Variants in EPHA6 observed in about 807,000 individuals in gnomAD.
EPHA6 encodes EPH receptor A6, also known as ephrin type-A receptor 6.
A neutral mutation model predicts 112.0 loss-of-function variants in EPHA6; 50 were observed. The ratio of observed to expected loss-of-function variants is 0.45; its 90% CI spans 0.36 to 0.56. The LOEUF is 0.56. Ranked by LOEUF, EPHA6 falls within the 20% of genes least tolerant of loss-of-function variation. EPHA6 has a pLI of 0.00. For synonymous variants in EPHA6, 529 were observed against 490.7 expected, an observed-to-expected ratio of 1.08 and a Z score of -1.03; for missense variants, 1,280 against 1,417.4, an observed-to-expected ratio of 0.90 and a Z score of 1.56.
Position 97,407,474 on chromosome 3 carries a change from A to T in EPHA6, c.1731+2200A>T, listed in dbSNP as rs557920122. Among the ~76,000 whole-genome samples the T allele has an allele frequency of 1.7e-3, 257 of 151,326 alleles. 1 individual carries two copies. Among genetic ancestry groups the T allele is most frequent in the Non-Finnish European group, 2.9e-3 (194 of 67,684 alleles). ...ATTATTCTCTTTCTCTGTGTGTGTGATGTGTCTGAGTGTGTTTGTGTGTGT... is the reference window on the plus strand; with the variant it reads ...ATTATTCTCTTTCTCTGTGTGTGTGTTGTGTCTGAGTGTGTTTGTGTGTGT... On this transcript the variant is annotated intron_variant, in intron 6 of 17. Transcript: ENST00000389672.
At chr3:96,999,246 G>T (rs1379110552) in intron 3 of EPHA6, among the ~76,000 whole-genome samples, 1 of 151,838 alleles carries the variant, frequency 6.6e-6, no homozygotes, top group Non-Finnish European at 1.5e-5. Flanking sequence ...TGAAAAGTTT[G>T]TGATTATACC....
intron 14 of EPHA6, among the ~76,000 whole-genome samples, chr3:97,682,741 A>AT (rs1560262484): frequency 1.3e-5 from 2 of 152,244 alleles, no homozygotes; most frequent in African/African-American, 4.8e-5. Flanking sequence ...TCACATGGCT[A>AT]TTTTTCCAGT....
chr3:97,297,627 T>A (rs1270915121), intron 5 of EPHA6, among the ~76,000 whole-genome samples: 4 of 152,174 alleles, frequency 2.6e-5, no homozygotes, highest in African/African-American at 9.7e-5. Flanking sequence ...AGTAGTAAAG[T>A]CCATATCTCA....
chr3:97,239,078 G>A (rs1054292549), intron 4 of EPHA6, among the ~76,000 whole-genome samples: 50 of 151,952 alleles, frequency 3.3e-4, no homozygotes, highest in African/African-American at 1.2e-3. Flanking sequence ...ACTAAAAGTA[G>A]GTGCAAGCAT....
chr3:96,983,042 G>T (rs1181771249), intron 2 of EPHA6, among the ~76,000 whole-genome samples: 1 of 152,096 alleles, frequency 6.6e-6, no homozygotes, highest in African/African-American at 2.4e-5. Context: ...GGAGCATTTA[G>T]CCCATTTACA....
chr3:97,372,393 A>G (rs1157704240), intron 5 of EPHA6, among the ~76,000 whole-genome samples: 1 of 152,174 alleles, frequency 6.6e-6, no homozygotes, highest in African/African-American at 2.4e-5. Flanking sequence ...TAATACGAAG[A>G]TGTGCATATC....
At chr3:97,490,948 C>T (rs2091823246) in intron 10 of EPHA6, among the ~76,000 whole-genome samples, 1 of 152,134 alleles carries the variant, frequency 6.6e-6, no homozygotes, top group South Asian at 2.1e-4. Flanking sequence ...AGGGTTGTTG[C>T]ACAGACAGTT....
chr3:96,981,744 T>C (rs1365154484), intron 2 of EPHA6, among the ~76,000 whole-genome samples: 2 of 152,128 alleles, frequency 1.3e-5, no homozygotes, highest in Non-Finnish European at 2.9e-5. Context: ...TTGTTGTTGG[T>C]CCATTCAGAG....
intron 3 of EPHA6, among the ~76,000 whole-genome samples, chr3:97,109,628 A>G (rs1202162808): frequency 2.0e-5 from 3 of 152,172 alleles, no homozygotes; most frequent in Non-Finnish European, 4.4e-5. Flanking sequence ...GGAAGCAGGA[A>G]GCTAGGAGCA....
intron 3 of EPHA6, among the ~76,000 whole-genome samples, chr3:97,007,368 T>C (rs901732012): frequency 6.6e-6 from 1 of 152,174 alleles, no homozygotes; most frequent in African/African-American, 2.4e-5. Context: ...TGCCCTTCCT[T>C]GTCTTTTTTG....
At chr3:97,732,680 ATTAT>A (rs1334260832) in intron 15 of EPHA6, among the ~76,000 whole-genome samples, 1 of 152,052 alleles carries the variant, frequency 6.6e-6, no homozygotes, top group Non-Finnish European at 1.5e-5. Context: ...TCTTGTTATG[ATTAT>A]TTGTCTGTAA....
chr3:96,867,407 G>A (rs559842558), intron 2 of EPHA6, among the ~76,000 whole-genome samples: 2 of 151,808 alleles, frequency 1.3e-5, no homozygotes, highest in South Asian at 4.1e-4. Flanking sequence ...GGCTTGTTAA[G>A]GATGTGTAAT....
chr3:97,445,651 T>G (rs957458888), intron 6 of EPHA6, among the ~76,000 whole-genome samples: 1 of 150,294 alleles, frequency 6.7e-6, no homozygotes, highest in Non-Finnish European at 1.5e-5. Context: ...TAACAGAAAG[T>G]ACAAAGAAGA....
chr3:97,400,346 G>T (rs2086922897), intron 5 of EPHA6, among the ~76,000 whole-genome samples: 1 of 151,644 alleles, frequency 6.6e-6, no homozygotes, highest in South Asian at 2.1e-4. Flanking sequence ...TGCTGCTTTG[G>T]TTACTATATC....
intron 5 of EPHA6, among the ~76,000 whole-genome samples, chr3:97,398,372 G>A (rs947078726): frequency 2.6e-5 from 4 of 151,270 alleles, no homozygotes; most frequent in Admixed American, 1.3e-4. Context: ...CATCAAGCAC[G>A]ATTTAATATA....
rs1307079115 is a variant in EPHA6, at chr3:97,124,013, A to G, written c.1115-102251A>G. Among the ~76,000 whole-genome samples the G allele has an allele frequency of 3.3e-5, 5 of 152,158 alleles. No individual in the cohort carries two copies. In the South Asian group the frequency reaches 1.0e-3, roughly 32 times the overall value. ...TGAGAACCAGCAATGCTTTATTTCT[A>G]TGGAATGCATTTGTATCCTGTTAAT... On this transcript the variant is annotated intron_variant, in intron 3 of 17. Coordinates refer to ENST00000389672, the MANE Select transcript of EPHA6 (RefSeq NM_001080448.3).
At chr3:97,468,604 T>C (rs529032682) in intron 7 of EPHA6, among the ~76,000 whole-genome samples, 280 of 151,592 alleles carry the variant, frequency 1.8e-3, no homozygotes, top group Non-Finnish European at 3.4e-3. Context: ...TTAGGAAAAA[T>C]AAATTTACCC....
intron 3 of EPHA6, among the ~76,000 whole-genome samples, chr3:97,056,829 G>A (rs1421516252): frequency 6.6e-6 from 1 of 151,904 alleles, no homozygotes; most frequent in African/African-American, 2.4e-5. Context: ...ATTTCTCATA[G>A]GTCTGTTGTG....
intron 4 of EPHA6, among the ~76,000 whole-genome samples, chr3:97,226,620 A>G (rs977857807): frequency 2.0e-5 from 3 of 152,216 alleles, no homozygotes; most frequent in African/African-American, 7.2e-5. Flanking sequence ...TTACTCCTCA[A>G]AATTCATTTG....
Sources: gnomAD v4.1 joint callset for allele counts (sites outside exome capture counted in the v4.1 genomes callset) on GRCh38, gnomAD v4.1.1 for gene constraint, MANE v1.5 for transcripts, NCBI Gene and HGNC (gene_info 2026-07-23, HGNC 2026-07-21) for gene names.